C11orf65: variants seen among roughly 807,000 people sequenced by gnomAD.
C11orf65 encodes protein MFI.
C11orf65 carries 38 observed loss-of-function variants against 35.3 expected under a neutral mutation model. The ratio of observed to expected loss-of-function variants is 1.08; its 90% CI spans 0.83 to 1.41. C11orf65 has a LOEUF of 1.41. Ranked by LOEUF, C11orf65 falls within the 40% of genes most tolerant of loss-of-function variation. The pLI is 0.00. For synonymous variants in C11orf65, 105 were observed against 114.4 expected (o/e 0.92, Z 0.53); for missense variants, 370 against 367.1 (o/e 1.01, Z -0.06).
intron 6 of C11orf65, among the ~76,000 whole-genome samples, chr11:108,398,647 C>T (rs770237255): frequency 1.8e-4 from 28 of 152,140 alleles, no homozygotes; most frequent in South Asian, 4.1e-4. Flanking sequence ...AGTAATGTGA[C>T]GGTGCTTCAG....
intron 3 of C11orf65, among the ~76,000 whole-genome samples, chr11:108,420,446 C>T (rs994425644): frequency 6.6e-6 from 1 of 152,152 alleles, no homozygotes; most frequent in Non-Finnish European, 1.5e-5. Flanking sequence ...GCCACAATGG[C>T]TTCTAGACCC....
Position 108,323,528 on chromosome 11 carries a change from TTTTTAAATAG to T in C11orf65, c.641-14467_641-14458del, listed in dbSNP as rs1332712899. Among the ~76,000 whole-genome samples, 4 of 152,266 alleles carry T rather than the reference TTTTTAAATAG, an allele frequency of 2.6e-5. No homozygotes were observed. The East Asian group carries it at 5.8e-4, about 22-fold the overall frequency. On this transcript the variant is annotated intron_variant, in intron 6 of 6. Coordinates refer to the C11orf65 transcript ENST00000525729. ...GTAGTTAACAGTAATTTACTGTATA[TTTTTAAATAG>T]CTACAAAAGAAGATTTGGAATGTTT...
rs2084602309 is a variant in C11orf65 at position 108,315,958 on chromosome 11, A to G, written c.641-6887T>C. 1.2e-6 allele frequency: 2 copies of G among 1,607,708 alleles called. No homozygotes were observed. The highest frequency in any genetic ancestry group is 8.5e-7 in the Non-Finnish European group (1 of 1,174,198). Reference sequence around the variant, plus strand: ...AACGGTATAGTAATTCTGTTTATGAAGGAGTTATGTGTGTGTAAAACCCAA... The same window carrying G: ...AACGGTATAGTAATTCTGTTTATGAGGGAGTTATGTGTGTGTAAAACCCAA... On this transcript the variant is annotated intron_variant, in intron 6 of 6. Transcript: ENST00000525729.
intron 3 of C11orf65, among the ~76,000 whole-genome samples, chr11:108,417,643 G>C (rs1203584940): frequency 6.6e-6 from 1 of 152,086 alleles, no homozygotes; most frequent in Non-Finnish European, 1.5e-5. Flanking sequence ...AAAATGACAG[G>C]AAAGATGTAC....
chr11:108,336,334 C>T (rs1456501866), intron 2 of C11orf65: 1 of 186,330 alleles, frequency 5.4e-6, no homozygotes, highest in Non-Finnish European at 1.1e-5. Context: ...AAGAAGATGC[C>T]ATTATTTGGA....
chr11:108,391,307 C>T (rs2092154727), intron 7 of C11orf65, among the ~76,000 whole-genome samples: 1 of 152,068 alleles, frequency 6.6e-6, no homozygotes, highest in Non-Finnish European at 1.5e-5. Flanking sequence ...CATACAATTC[C>T]CCCATTTAAA....
downstream of C11orf65, among the ~76,000 whole-genome samples, chr11:108,378,220 A>C (rs2091779079): frequency 6.6e-6 from 1 of 151,880 alleles, no homozygotes; most frequent in African/African-American, 2.4e-5. Context: ...ACGCTACCTG[A>C]CTTCAAACTA....
chr11:108,343,506 A>C, intron 2 of C11orf65: 2 of 1,046,128 alleles, frequency 1.9e-6, no homozygotes, highest in South Asian at 3.1e-5. Flanking sequence ...AAGTAAAAGA[A>C]AAACTCATCA....
chr11:108,463,203 C>T (rs1159357868), intron 1 of C11orf65, among the ~76,000 whole-genome samples: 4 of 151,774 alleles, frequency 2.6e-5, no homozygotes, highest in Non-Finnish European at 5.9e-5. Flanking sequence ...ATCCCAAAGC[C>T]CTGACCTATT....
At chr11:108,345,021 GT>G (rs2088136737) in intron 2 of C11orf65, among the ~76,000 whole-genome samples, 1 of 151,936 alleles carries the variant, frequency 6.6e-6, no homozygotes, top group African/African-American at 2.4e-5. Flanking sequence ...AAAAAAAAAT[GT>G]TGGAGAAAAG....
chr11:108,353,661 C>T (rs1183487776), intron 2 of C11orf65: 2 of 886,832 alleles, frequency 2.3e-6, no homozygotes, highest in East Asian at 2.4e-5. Flanking sequence ...GTTCATAGAA[C>T]GTAGGTAACA....
chr11:108,355,014 G>C, intron 2 of C11orf65: 1 of 741,824 alleles, frequency 1.3e-6, no homozygotes, highest in Admixed American at 2.1e-5. Flanking sequence ...GGAGGAGATT[G>C]TGCACTTAGC....
At chr11:108,354,144 A>G (rs566554844) in intron 2 of C11orf65, among the ~76,000 whole-genome samples, 1 of 152,080 alleles carries the variant, frequency 6.6e-6, no homozygotes, top group Non-Finnish European at 1.5e-5. Context: ...ATTTAGTGCT[A>G]GAATCGTATT....
intron 3 of C11orf65, among the ~76,000 whole-genome samples, chr11:108,407,485 A>ATTTT (rs375638984): frequency 7.3e-6 from 1 of 137,128 alleles, no homozygotes; most frequent in Non-Finnish European, 1.6e-5. Flanking sequence ...CTAATTTTGT[A>ATTTT]TTTTTTTTTT....
chr11:108,325,384 ATTTTAGTT>A lies in C11orf65; in HGVS notation c.641-16321_641-16314del, dbSNP rs864622326. 1.2e-6 allele frequency: 2 copies of A among 1,613,316 alleles called. No individual in the cohort carries two copies. The highest frequency in any genetic ancestry group is 1.7e-6 in the Non-Finnish European group (2 of 1,179,866). On this transcript the variant is annotated intron_variant, in intron 6 of 6. Transcript: ENST00000525729. Reference sequence around the variant, plus strand: ...CACTCCCAGCTTCTCAAGGACAGTGATTTTAGTTTTCAGGAGCCTATCATGGCTCTACG... The same window carrying A: ...CACTCCCAGCTTCTCAAGGACAGTGATTCAGGAGCCTATCATGGCTCTACG...
chr11:108,422,896 A>G (rs1211053255), intron 3 of C11orf65, among the ~76,000 whole-genome samples: 1 of 151,586 alleles, frequency 6.6e-6, no homozygotes, highest in South Asian at 2.1e-4. Flanking sequence ...AAAAAAAAAA[A>G]GCTGGCCTGT....
At position 108,427,546 on chromosome 11, in the gene C11orf65, C is replaced by T. The variant is rs1208767315; in HGVS notation, c.174+4200G>A. On this transcript the variant is annotated intron_variant, in intron 3 of 8. Coordinates refer to ENST00000393084, the MANE Select transcript of C11orf65 (RefSeq NM_152587.5). ...CATCCTGGCTAACACGGTGAAACCCCGTCTCTACTAAAAAAAAATACAAAA... is the reference window on the plus strand; with the variant it reads ...CATCCTGGCTAACACGGTGAAACCCTGTCTCTACTAAAAAAAAATACAAAA... 8.0e-5 allele frequency among the ~76,000 whole-genome samples: 12 copies of T among 150,230 alleles called. No homozygotes were observed. The South Asian group carries it at 2.1e-3, about 26-fold the overall frequency.
chr11:108,308,729 T>C, exon 7 of C11orf65: 1 of 357,070 alleles, frequency 2.8e-6, no homozygotes, highest in South Asian at 4.1e-5. Flanking sequence ...ATGAAATGTT[T>C]TTAAGCCTAA....
intron 6 of C11orf65, among the ~76,000 whole-genome samples, chr11:108,311,310 G>A (rs766700955): frequency 2.6e-4 from 39 of 152,066 alleles, no homozygotes; most frequent in Non-Finnish European, 8.8e-5. Context: ...ACCCATTTGT[G>A]TACAGAAATG....
Sources: allele counts gnomAD v4.1 joint callset (sites outside exome capture counted in the v4.1 genomes callset), GRCh38; gene constraint gnomAD v4.1.1; transcripts MANE v1.5; gene names NCBI Gene and HGNC (gene_info 2026-07-23, HGNC 2026-07-21).